FSIP1: variants seen among roughly 807,000 people sequenced by gnomAD.
The protein encoded by FSIP1 is fibrous sheath interacting protein 1.
Under a neutral mutation model 60.9 loss-of-function variants are expected in FSIP1, and 65 were observed. The ratio of observed to expected loss-of-function variants is 1.07; its 90% CI spans 0.87 to 1.31. The LOEUF is 1.31. Ranked by LOEUF, FSIP1 falls within the 40% of genes most tolerant of loss-of-function variation. The pLI, the probability that FSIP1 is intolerant of heterozygous loss-of-function variation, is 0.00. For synonymous variants in FSIP1, 209 were observed against 221.2 expected, an observed-to-expected ratio of 0.94 and a Z score of 0.49; for missense variants, 675 against 665.5, an observed-to-expected ratio of 1.01 and a Z score of -0.16.
intron 5 of FSIP1, among the ~76,000 whole-genome samples, chr15:39,755,751 T>C (rs1482138346): frequency 6.6e-6 from 1 of 152,138 alleles, no homozygotes; most frequent in Non-Finnish European, 1.5e-5. Flanking sequence ...TGAAAAAGCC[T>C]AATTGGTTAT....
intron 3 of FSIP1, among the ~76,000 whole-genome samples, chr15:39,767,480 A>T (rs1897731415): frequency 6.6e-6 from 1 of 152,212 alleles, no homozygotes; most frequent in Non-Finnish European, 1.5e-5. Flanking sequence ...GTCCCTGGCG[A>T]GGGCTCCACC....
downstream of FSIP1, chr15:39,598,919 T>C (rs1890544776): frequency 6.6e-6 from 1 of 152,044 alleles, no homozygotes; most frequent in Admixed American, 6.6e-5. Context: ...TCTTCTATAA[T>C]TTCTTTTTCT....
At chr15:39,641,366 T>G (rs1892361647) in intron 10 of FSIP1, among the ~76,000 whole-genome samples, 1 of 152,132 alleles carries the variant, frequency 6.6e-6, no homozygotes, top group Admixed American at 6.5e-5. Flanking sequence ...AGAATCAACA[T>G]GGGTGGCTGG....
intron 10 of FSIP1, among the ~76,000 whole-genome samples, chr15:39,703,736 A>G (rs752932726): frequency 6.6e-6 from 1 of 152,172 alleles, no homozygotes; most frequent in Non-Finnish European, 1.5e-5. Flanking sequence ...CCAGAACTTA[A>G]AGTAAAATTT....
At chr15:39,640,506 T>C (rs1162496527) in intron 10 of FSIP1, among the ~76,000 whole-genome samples, 1 of 152,126 alleles carries the variant, frequency 6.6e-6, no homozygotes, top group African/African-American at 2.4e-5. Context: ...CACTGATGAG[T>C]AATTTCCCAG....
At chr15:39,599,847 A>C (rs1309932389), downstream of FSIP1, among the ~76,000 whole-genome samples, 1 of 152,222 alleles carries the variant, frequency 6.6e-6, no homozygotes, top group Non-Finnish European at 1.5e-5. Context: ...CAGCATGAAC[A>C]ATTGCTATTT....
intron 10 of FSIP1, among the ~76,000 whole-genome samples, chr15:39,703,351 C>T (rs1255457547): frequency 6.6e-6 from 1 of 152,066 alleles, no homozygotes; most frequent in Non-Finnish European, 1.5e-5. Flanking sequence ...ACAATGCCTA[C>T]ACCTTCTATA....
At chr15:39,656,772 A>T (rs1893087072) in intron 10 of FSIP1, among the ~76,000 whole-genome samples, 1 of 152,248 alleles carries the variant, frequency 6.6e-6, no homozygotes, top group Admixed American at 6.5e-5. Context: ...AGGGTTCTGA[A>T]CTATTAATAT....
chr15:39,754,723 A>C (rs1897254652), intron 5 of FSIP1, among the ~76,000 whole-genome samples: 2 of 152,108 alleles, frequency 1.3e-5, no homozygotes, highest in Non-Finnish European at 2.9e-5. Context: ...AAAAGAAGGA[A>C]TAAGTTTCAA....
At chr15:39,612,598 CAACT>C (rs1018586603) in intron 11 of FSIP1, among the ~76,000 whole-genome samples, 3 of 151,906 alleles carry the variant, frequency 2.0e-5, no homozygotes, top group South Asian at 2.1e-4. Context: ...GAAAAAGAAC[CAACT>C]AAGTCCAAAG....
At chr15:39,749,113 G>A (rs1897085382) in intron 5 of FSIP1, among the ~76,000 whole-genome samples, 1 of 151,510 alleles carries the variant, frequency 6.6e-6, no homozygotes, top group African/African-American at 2.4e-5. Flanking sequence ...GGAAGAAACA[G>A]AAAGCCTGAA....
intron 9 of FSIP1, among the ~76,000 whole-genome samples, chr15:39,718,982 T>C (rs2140569323): frequency 6.6e-6 from 1 of 152,314 alleles, no homozygotes; most frequent in South Asian, 2.1e-4. Context: ...CCCCTTCTAA[T>C]AGCTTATGAG....
chr15:39,766,318 T>C (rs1289430231), intron 3 of FSIP1, among the ~76,000 whole-genome samples: 3 of 152,250 alleles, frequency 2.0e-5, no homozygotes, highest in African/African-American at 7.2e-5. Context: ...TAAAGTACAA[T>C]TGATAGTCAC....
chr15:39,746,718 G>A (rs1897006631), intron 5 of FSIP1, among the ~76,000 whole-genome samples: 1 of 152,132 alleles, frequency 6.6e-6, no homozygotes, highest in Non-Finnish European at 1.5e-5. Flanking sequence ...AAACTTGTTG[G>A]CATCCTCAAT....
At chr15:39,757,977 T>C (rs1449053059) in intron 5 of FSIP1, among the ~76,000 whole-genome samples, 1 of 152,178 alleles carries the variant, frequency 6.6e-6, no homozygotes, top group Admixed American at 6.5e-5. Context: ...AATGTCATCA[T>C]GTTTAAAACA....
chr15:39,767,375 AC>A (rs1392931644), intron 3 of FSIP1, among the ~76,000 whole-genome samples: 2 of 152,190 alleles, frequency 1.3e-5, no homozygotes, highest in African/African-American at 4.8e-5. Context: ...AACAATATAA[AC>A]AAATCCAATG....
intron 10 of FSIP1, among the ~76,000 whole-genome samples, chr15:39,661,110 T>G (rs1893278272): frequency 6.6e-6 from 1 of 152,026 alleles, no homozygotes; most frequent in Admixed American, 6.6e-5. Flanking sequence ...AATTAGAAAA[T>G]TAACCATTTG....
intron 9 of FSIP1, among the ~76,000 whole-genome samples, chr15:39,722,880 T>C (rs1317688390): frequency 6.6e-6 from 1 of 151,874 alleles, no homozygotes; most frequent in Admixed American, 6.6e-5. Flanking sequence ...CAGCAAGCCA[T>C]GATTGCACCA....
rs1897237865 is a variant in FSIP1 at position 39,754,027 on chromosome 15, T to C, written c.559+9794A>G. Among the ~76,000 whole-genome samples the C allele has an allele frequency of 2.0e-5, 3 of 152,084 alleles. No individual in the cohort carries two copies. In the South Asian group the frequency reaches 6.2e-4, roughly 32 times the overall value. On this transcript the variant is annotated intron_variant, in intron 5 of 11. Transcript: ENST00000350221. ...GATAATATAAGAGACACAAACCATG[T>C]TCCTGTTGATGCAGTAACGTCTAGT...
Sources: allele counts gnomAD v4.1 joint callset (sites outside exome capture counted in the v4.1 genomes callset), GRCh38; gene constraint gnomAD v4.1.1; transcripts MANE v1.5; gene names NCBI Gene and HGNC (gene_info 2026-07-23, HGNC 2026-07-21).